Variants in TPMT observed in about 807,000 individuals in gnomAD.
TPMT encodes S-adenosyl-L-methionine:thiopurine S-methyltransferase.
Under a neutral mutation model 34.2 loss-of-function variants are expected in TPMT, and 18 were observed. The observed-to-expected ratio is 0.53, with a 90% confidence interval of 0.36 to 0.78. The LOEUF (loss-of-function observed/expected upper bound fraction) is 0.78. TPMT is among the 30% of genes least tolerant of loss of function. The probability of loss-of-function intolerance (pLI) is 0.00; values close to 1 mark genes in which losing one functional copy is unlikely to be tolerated. For missense variants in TPMT, 265 were observed against 288.1 expected, an observed-to-expected ratio of 0.92 and a Z score of 0.58; for synonymous variants, 69 against 92.4, an observed-to-expected ratio of 0.75 and a Z score of 1.45.
chr6:18,139,894 C>T lies in TPMT; in HGVS notation c.367-177G>A, dbSNP rs900117759. 3.9e-5 allele frequency among the ~76,000 whole-genome samples: 6 copies of T among 151,968 alleles called. No homozygotes were observed. Among genetic ancestry groups the T allele is most frequent in the African/African-American group, 1.5e-4 (6 of 41,350 alleles). ...GCACCTTATTTTTTTCTTTTAAAAC[C>T]TGTGCGAGGTTCTTTTGGGCCAACT... On this transcript the variant is annotated intron_variant, in intron 4 of 8. Transcript: ENST00000309983. This position sits in a 1 kb window ranked among gnomAD's most constrained non-coding sequence, Gnocchi z 4.2.
At position 18,149,150 on chromosome 6, in the gene TPMT, C is replaced by A. The variant is rs755089146; in HGVS notation, c.-23G>T. On this transcript the variant is annotated 5_prime_UTR_variant, in exon 2 of 9. Coordinates refer to ENST00000309983, the MANE Select transcript of TPMT (RefSeq NM_000367.5). This position sits in a 1 kb window ranked among gnomAD's most constrained non-coding sequence, Gnocchi z 5.0. The stretch of plus-strand genomic sequence containing the variant: ...CATAGTTTCAGAGACACCTTTGTCT[C>A]ACAAGCATATGTCTTCCGTGCCTAC... 12 of 1,613,784 alleles carry A rather than the reference C, an allele frequency of 7.4e-6. No homozygotes were observed. The highest frequency in any genetic ancestry group is 1.6e-4 in the Middle Eastern group (1 of 6,080).
At position 18,145,058 on chromosome 6, in the gene TPMT, C is replaced by T. The variant is rs1442516841; in HGVS notation, c.234-1330G>A. ...TCAGGATCTTGGACTCAAGAGAAAACAGTACCAGTGGTACAAATATCTAGG... is the reference window on the plus strand; with the variant it reads ...TCAGGATCTTGGACTCAAGAGAAAATAGTACCAGTGGTACAAATATCTAGG... On this transcript the variant is annotated intron_variant, in intron 3 of 8. Coordinates refer to ENST00000309983, the MANE Select transcript of TPMT (RefSeq NM_000367.5). This position sits in a 1 kb window ranked among gnomAD's most constrained non-coding sequence, Gnocchi z 5.6. Among the ~76,000 whole-genome samples the T allele has an allele frequency of 6.6e-6, 1 of 152,162 alleles. No individual in the cohort carries two copies. The highest frequency in any genetic ancestry group is 1.5e-5 in the Non-Finnish European group (1 of 68,030).
chr6:18,143,800 G>C lies in TPMT; in HGVS notation c.234-72C>G. 2 of 1,563,618 alleles carry C rather than the reference G, an allele frequency of 1.3e-6. No homozygotes were observed. ...TAAATAGAGGGTTATATTAGAGTAA[G>C]CATATATTTTCTTTAATTTAGAGGA... On this transcript the variant is annotated intron_variant, in intron 3 of 8. Transcript: ENST00000309983. This position sits in a 1 kb window ranked among gnomAD's most constrained non-coding sequence, Gnocchi z 6.1.
chr6:18,149,151 A>C lies in TPMT; in HGVS notation c.-24T>G, dbSNP rs1784304211. ...ATAGTTTCAGAGACACCTTTGTCTC[A>C]CAAGCATATGTCTTCCGTGCCTACG... On this transcript the variant is annotated 5_prime_UTR_variant, in exon 2 of 9. Transcript: ENST00000309983. The surrounding 1 kb of genome is among the most constrained non-coding windows in gnomAD (Gnocchi z 5.0). 1 of 1,613,802 alleles carries C rather than the reference A, an allele frequency of 6.2e-7. No homozygotes were observed. Among genetic ancestry groups the C allele is most frequent in the Admixed American group, 1.7e-5 (1 of 60,002 alleles).
chr6:18,133,366 A>C (rs1244443424), intron 7 of TPMT, among the ~76,000 whole-genome samples: 1 of 152,220 alleles, frequency 6.6e-6, no homozygotes, highest in East Asian at 1.9e-4. Context: ...AATAATTTAG[A>C]GTTTTTCCTG....
Position 18,148,932 on chromosome 6 carries a change from T to C in TPMT, c.140+56A>G, listed in dbSNP as rs1784297503. ...ATAATGTGTACTTTTATTATTTCTA[T>C]CTCAAAGTCACTTTTTGATAGAACA... On this transcript the variant is annotated intron_variant, in intron 2 of 8. Transcript: ENST00000309983. This position sits in a 1 kb window ranked among gnomAD's most constrained non-coding sequence, Gnocchi z 4.1. 2 of 1,610,364 alleles carry C rather than the reference T, an allele frequency of 1.2e-6. No individual in the cohort carries two copies. Among genetic ancestry groups the C allele is most frequent in the Admixed American group, 1.7e-5 (1 of 59,978 alleles).
At chr6:18,151,592 T>C (rs1784355978) in intron 1 of TPMT, among the ~76,000 whole-genome samples, 1 of 149,966 alleles carries the variant, frequency 6.7e-6, no homozygotes, top group South Asian at 2.1e-4. Flanking sequence ...ATTTATTTAT[T>C]TATTTATTTA....
At position 18,136,927 on chromosome 6, in the gene TPMT, C is replaced by T. The variant is rs529034145; in HGVS notation, c.494+2036G>A. Among the ~76,000 whole-genome samples, 4 of 152,088 alleles carry T rather than the reference C, an allele frequency of 2.6e-5. No individual in the cohort carries two copies. The highest frequency in any genetic ancestry group is 4.4e-5 in the Non-Finnish European group (3 of 67,994). The stretch of plus-strand genomic sequence containing the variant: ...AGGATGGTGGTCCCTTGGGGAATCA[C>T]GACTTTTAGGCATGCAAGGAGGATG... On this transcript the variant is annotated intron_variant, in intron 6 of 8. Coordinates refer to ENST00000309983, the MANE Select transcript of TPMT (RefSeq NM_000367.5). This position sits in a 1 kb window ranked among gnomAD's most constrained non-coding sequence, Gnocchi z 4.7.
At chr6:18,151,219 G>T in intron 1 of TPMT, among the ~76,000 whole-genome samples, 1 of 135,522 alleles carries the variant, frequency 7.4e-6, no homozygotes, top group Non-Finnish European at 1.5e-5. Context: ...ATCACCCAGT[G>T]CTTTGGGCGA....
rs1249559832 is a variant in TPMT, at chr6:18,143,719, G to A, written c.243C>T (p.Asp81=). 6.2e-7 allele frequency: 1 copy of A among 1,613,926 alleles called. No individual in the cohort carries two copies. The part of the protein sequence containing the change: ...GKAVEMKWFA[D]RGHSVVGVEI... ...CCACACCAACTACACTGTGTCCCCG[G>A]TCTGCAAACCTGCATAAAATCATAC... Residue 81 remains aspartate (D), a synonymous_variant, in exon 4 of 9, where the codon GAC becomes GAT. Coordinates refer to ENST00000309983, the MANE Select transcript of TPMT (RefSeq NM_000367.5). The surrounding 1 kb of genome is among the most constrained non-coding windows in gnomAD (Gnocchi z 6.1).
At position 18,149,082 on chromosome 6, in the gene TPMT, T is replaced by C; in HGVS notation, c.46A>G (p.Thr16Ala). 2 of 1,614,158 alleles carry C rather than the reference T, an allele frequency of 1.2e-6. No homozygotes were observed. The highest frequency in any genetic ancestry group is 8.5e-7 in the Non-Finnish European group (1 of 1,180,016). The change falls in exon 2 of 9, where the codon ACT (threonine) becomes GCT (alanine). Residue 16 changes from threonine (T) to alanine (A), a missense_variant. Thr to Ala is a moderately conservative substitution (Grantham distance 58). Transcript: ENST00000309983. The surrounding 1 kb of genome is among the most constrained non-coding windows in gnomAD (Gnocchi z 5.0). ...AGTACTTGGTTTTTCTGTACCTCAG[T>C]ATCCGAGTACTCTTCAATGTCAAGT... is the stretch of plus-strand genomic sequence containing the variant. ...TSLDIEEYSD[T>A]EVQKNQVLTL...
intron 2 of TPMT, 22 bp from the exon 3 acceptor site, chr6:18,147,937 G>A (rs745966978): frequency 3.8e-6 from 6 of 1,578,914 alleles, no homozygotes; most frequent in Non-Finnish European, 4.3e-6. Context: ...AAAAAAAAAG[G>A]TTTTAGGACA....
rs183364543 is a variant in TPMT at position 18,136,980 on chromosome 6, A to G, written c.494+1983T>C. On this transcript the variant is annotated intron_variant, in intron 6 of 8. Coordinates refer to ENST00000309983, the MANE Select transcript of TPMT (RefSeq NM_000367.5). This position sits in a 1 kb window ranked among gnomAD's most constrained non-coding sequence, Gnocchi z 4.7. ...AGTTCTGGAAAAGAGATAAAGGAGGAGCAGTGAGAAAAAGAGGGAAACAGG... is the reference window on the plus strand; with the variant it reads ...AGTTCTGGAAAAGAGATAAAGGAGGGGCAGTGAGAAAAAGAGGGAAACAGG... Among the ~76,000 whole-genome samples the G allele has an allele frequency of 6.6e-6, 1 of 152,242 alleles. No individual in the cohort carries two copies. The highest frequency in any genetic ancestry group is 6.5e-5 in the Admixed American group (1 of 15,278).
rs1372398879 is a variant in TPMT, at chr6:18,147,923, G to C, written c.141-8C>G. 1 of 1,589,632 alleles carries C rather than the reference G, an allele frequency of 6.3e-7. No individual in the cohort carries two copies. The highest frequency in any genetic ancestry group is 2.2e-5 in the East Asian group (1 of 44,620). On this transcript the variant is annotated splice_polypyrimidine_tract_variant and splice_region_variant and intron_variant, in intron 2 of 8. Coordinates refer to ENST00000309983, the MANE Select transcript of TPMT (RefSeq NM_000367.5). ...AAATGCTTCTTTAATAGCCTGAAGA[G>C]GAAAAAAAAAAAGGTTTTAGGACAA...
intron 3 of TPMT, among the ~76,000 whole-genome samples, chr6:18,144,804 T>G (rs183866678): frequency 6.6e-6 from 1 of 151,796 alleles, no homozygotes; most frequent in Non-Finnish European, 1.5e-5. Context: ...CACTGCAACC[T>G]CCACCTCCCG....
In TPMT at chr6:18,131,377, G is replaced by GTT. The variant is rs1783936533; in HGVS notation, c.626-598_626-597insAA. On this transcript the variant is annotated intron_variant, in intron 8 of 8. Coordinates refer to ENST00000309983, the MANE Select transcript of TPMT (RefSeq NM_000367.5). The surrounding 1 kb of genome is among the most constrained non-coding windows in gnomAD (Gnocchi z 4.3). ...GAGGATCACTTGAGCCCAGGAGTTC[G>GTT]AGACCAGCCTGGGCAATGTGGTTAA... 6.6e-6 allele frequency among the ~76,000 whole-genome samples: 1 copy of GTT among 151,844 alleles called. No homozygotes were observed. The highest frequency in any genetic ancestry group is 1.9e-4 in the East Asian group (1 of 5,148).
chr6:18,148,600 T>C lies in TPMT; in HGVS notation c.140+388A>G, dbSNP rs1268205314. Among the ~76,000 whole-genome samples, 1 of 152,246 alleles carries C rather than the reference T, an allele frequency of 6.6e-6. No individual in the cohort carries two copies. The highest frequency in any genetic ancestry group is 1.5e-5 in the Non-Finnish European group (1 of 68,036). On this transcript the variant is annotated intron_variant, in intron 2 of 8. Transcript: ENST00000309983. The surrounding 1 kb of genome is among the most constrained non-coding windows in gnomAD (Gnocchi z 4.1). ...CCACCATAGAGATAATTCTTTAACA[T>C]CTGAACACATCCTATTGGAAAGCAA...
In TPMT at chr6:18,154,604, A is replaced by AT. The variant is rs1784440740; in HGVS notation, c.-45+428dup. On this transcript the variant is annotated intron_variant, in intron 1 of 8. Coordinates refer to ENST00000309983, the MANE Select transcript of TPMT (RefSeq NM_000367.5). This position sits in a 1 kb window ranked among gnomAD's most constrained non-coding sequence, Gnocchi z 4.2. ...GGGAAAAAACCGAGAGTCCGTTTCT[A>AT]TAAAAAAAAATTTGAAAAATTAGCC... 6.6e-6 allele frequency among the ~76,000 whole-genome samples: 1 copy of AT among 152,032 alleles called. No homozygotes were observed. Among genetic ancestry groups the AT allele is most frequent in the African/African-American group, 2.4e-5 (1 of 41,388 alleles).
chr6:18,139,703 G>A lies in TPMT; in HGVS notation c.381C>T (p.Asn127=), dbSNP rs1435127761. The A allele has an allele frequency of 1.9e-6, 3 of 1,611,920 alleles. No individual in the cohort carries two copies. Among genetic ancestry groups the A allele is most frequent in the Admixed American group, 3.4e-5 (2 of 59,644 alleles). The part of the protein sequence containing the change: ...GTKVFKSSSG[N]ISLYCCSIFD... ...AAATACTGCAACAGTACAATGAAAT[G>A]TTCCCCGAAGAACTCTGTAATGAAA... The change falls in exon 5 of 9, where the codon AAC becomes AAT. Residue 127 remains asparagine, a synonymous_variant. Coordinates refer to ENST00000309983, the MANE Select transcript of TPMT (RefSeq NM_000367.5). This position sits in a 1 kb window ranked among gnomAD's most constrained non-coding sequence, Gnocchi z 4.2.
Sources: gnomAD v4.1 joint callset for allele counts (sites outside exome capture counted in the v4.1 genomes callset) on GRCh38, gnomAD v4.1.1 for gene constraint, Gnocchi (gnomAD v3.1) non-coding constraint, MANE v1.5 for transcripts, NCBI Gene and HGNC (gene_info 2026-07-23, HGNC 2026-07-21) for gene names.